TBCEL: variants seen among roughly 807,000 people sequenced by gnomAD.
TBCEL encodes tubulin-specific chaperone cofactor E-like protein.
A neutral mutation model predicts 44.2 loss-of-function variants in TBCEL; 15 were observed. The observed-to-expected ratio is 0.34, with a 90% CI of 0.23 to 0.52. The LOEUF is 0.52. Ranked by LOEUF, TBCEL falls within the 20% of genes least tolerant of loss-of-function variation. The pLI, the probability that TBCEL is intolerant of heterozygous loss-of-function variation, is 0.95. For synonymous variants in TBCEL, 171 were observed against 185.4 expected, an observed-to-expected ratio of 0.92 and a Z score of 0.63; for missense variants, 319 against 506.3, an observed-to-expected ratio of 0.63 and a Z score of 3.55.
intron 8 of TBCEL, among the ~76,000 whole-genome samples, chr11:121,082,575 G>A (rs1478505612): frequency 6.6e-6 from 1 of 152,220 alleles, no homozygotes; most frequent in Non-Finnish European, 1.5e-5. Flanking sequence ...AAGTAGAGGA[G>A]TGATGTGATA....
chr11:121,086,275 G>A (rs772798533), intron 8 of TBCEL, among the ~76,000 whole-genome samples: 4 of 152,110 alleles, frequency 2.6e-5, no homozygotes, highest in African/African-American at 4.8e-5. Flanking sequence ...AGATTGGAAC[G>A]TTCAAACAAG....
chr11:121,081,030 C>CT, intron 8 of TBCEL, among the ~76,000 whole-genome samples: 1 of 152,306 alleles, frequency 6.6e-6, no homozygotes, highest in African/African-American at 2.4e-5. Flanking sequence ...CAACCCCACA[C>CT]TGCTGGTAGC....
chr11:121,025,554 C>T (rs1322482154), intron 1 of TBCEL, among the ~76,000 whole-genome samples: 1 of 152,050 alleles, frequency 6.6e-6, no homozygotes, highest in East Asian at 1.9e-4. Flanking sequence ...ATTCCACCCT[C>T]TTGCATTAAA....
At chr11:121,068,886 CAA>C (rs575081373) in intron 8 of TBCEL, among the ~76,000 whole-genome samples, 1 of 87,972 alleles carries the variant, frequency 1.1e-5, no homozygotes, top group African/African-American at 4.1e-5. Context: ...GGCTCCGTCT[CAA>C]AAAAAAAAAA....
At chr11:121,056,498 C>T (rs888312137) in intron 6 of TBCEL, among the ~76,000 whole-genome samples, 1 of 151,732 alleles carries the variant, frequency 6.6e-6, no homozygotes, top group African/African-American at 2.4e-5. Context: ...TAGGTAAATA[C>T]TAAGGAGCAT....
chr11:121,035,500 C>G (rs1452077047), intron 1 of TBCEL: 1 of 148,950 alleles, frequency 6.7e-6, no homozygotes, highest in East Asian at 2.0e-4. Context: ...GACCTGCAGA[C>G]TTTTGCAACC....
At chr11:121,084,850 T>G (rs1171550413) in intron 8 of TBCEL, among the ~76,000 whole-genome samples, 1 of 152,062 alleles carries the variant, frequency 6.6e-6, no homozygotes, top group Non-Finnish European at 1.5e-5. Flanking sequence ...AAGATACCCC[T>G]AGACTTTGAA....
intron 8 of TBCEL, among the ~76,000 whole-genome samples, chr11:121,073,553 C>A (rs925526499): frequency 2.0e-5 from 3 of 151,806 alleles, no homozygotes; most frequent in Admixed American, 1.3e-4. Flanking sequence ...TCTATTTAGA[C>A]AGTCATATCT....
Position 121,087,080 on chromosome 11 carries a change from A to C in TBCEL, c.1259A>C (p.Glu420Ala). The C allele has an allele frequency of 6.2e-7, 1 of 1,613,214 alleles. No individual in the cohort carries two copies. Among genetic ancestry groups the C allele is most frequent in the Non-Finnish European group, 8.5e-7 (1 of 1,179,656 alleles). ...GIRDGDKIYVESKTK is the reference protein window; with the variant it reads ...GIRDGDKIYVASKTK ...AGGGATGGAGATAAAATTTACGTGGAATCCAAAACAAAATAACCTCTACCA... is the reference window on the plus strand; with the variant it reads ...AGGGATGGAGATAAAATTTACGTGGCATCCAAAACAAAATAACCTCTACCA... Residue 420 changes from glutamate to alanine, a missense_variant, in exon 9 of 9, where the codon GAA becomes GCA. Physicochemically the swap from Glu to Ala is moderately radical, Grantham distance 107. Coordinates refer to ENST00000683345, the MANE Select transcript of TBCEL (RefSeq NM_001363644.2).
Position 121,055,151 on chromosome 11 carries a change from C to A in TBCEL, c.555C>A (p.Asn185Lys). The A allele has an allele frequency of 6.2e-7, 1 of 1,611,942 alleles. No homozygotes were observed. Among genetic ancestry groups the A allele is most frequent in the African/African-American group, 1.3e-5 (1 of 74,846 alleles). The change falls in exon 6 of 9, where the codon AAC becomes AAA. Residue 185 changes from asparagine (N) to lysine (K), a missense_variant. Asn to Lys is a moderately conservative substitution (Grantham distance 94). Coordinates refer to ENST00000683345, the MANE Select transcript of TBCEL (RefSeq NM_001363644.2). Reference protein sequence around the residue: ...SLKLLHITDNNLQDWTEIRKL... With the variant: ...SLKLLHITDNKLQDWTEIRKL... ...AGCTACTACATATAACAGACAATAA[C>A]CTCCAAGACTGGACTGAAATACGAA...
intron 8 of TBCEL, among the ~76,000 whole-genome samples, chr11:121,077,662 T>G (rs1946056377): frequency 6.6e-6 from 1 of 152,072 alleles, no homozygotes; most frequent in Non-Finnish European, 1.5e-5. Context: ...TGCTTTGGAT[T>G]TAATTTGCTC....
Position 121,087,006 on chromosome 11 carries a change from C to G in TBCEL, c.1185C>G (p.Gly395=). 6.2e-7 allele frequency: 1 copy of G among 1,614,092 alleles called. No homozygotes were observed. The highest frequency in any genetic ancestry group is 8.5e-7 in the Non-Finnish European group (1 of 1,179,988). ...LYYFDHEAPF[G]PEEMKYSSRA... ...ATTTTGACCATGAAGCACCCTTTGG[C>G]CCAGAGGAAATGAAGTACAGCTCTC... Residue 395 remains glycine, a synonymous_variant, in exon 9 of 9, where the codon GGC becomes GGG. Transcript: ENST00000683345.
At chr11:121,044,871 A>G (rs1945401018) in intron 2 of TBCEL, among the ~76,000 whole-genome samples, 1 of 152,142 alleles carries the variant, frequency 6.6e-6, no homozygotes, top group Admixed American at 6.5e-5. Flanking sequence ...AGGTCCAGTT[A>G]TAGGTAACTA....
chr11:121,059,223 G>T (rs961627393), intron 7 of TBCEL, among the ~76,000 whole-genome samples: 2 of 151,978 alleles, frequency 1.3e-5, no homozygotes, highest in Non-Finnish European at 2.9e-5. Context: ...ATGCTTTGCA[G>T]TTGTTAACGT....
At chr11:121,078,678 T>C (rs1322472503) in intron 8 of TBCEL, among the ~76,000 whole-genome samples, 1 of 152,198 alleles carries the variant, frequency 6.6e-6, no homozygotes, top group Non-Finnish European at 1.5e-5. Context: ...GGAACCTGTC[T>C]GTAGTTCCCC....
chr11:121,054,206 A>T (rs989968449), intron 5 of TBCEL, among the ~76,000 whole-genome samples: 1 of 151,914 alleles, frequency 6.6e-6, no homozygotes, highest in Non-Finnish European at 1.5e-5. Context: ...AACATGCTTT[A>T]TTATGTTTCG....
At chr11:121,064,337 A>G (rs1182710817) in intron 8 of TBCEL, among the ~76,000 whole-genome samples, 1 of 152,200 alleles carries the variant, frequency 6.6e-6, no homozygotes, top group African/African-American at 2.4e-5. Context: ...TATGATAAGT[A>G]GTCATCATCC....
intron 5 of TBCEL, 150 bp downstream of exon 5, chr11:121,053,882 T>A: frequency 1.2e-6 from 1 of 824,676 alleles, no homozygotes; most frequent in Non-Finnish European, 1.9e-6. Flanking sequence ...AATGAGAATG[T>A]GAGGGTAATC....
At chr11:121,044,891 G>A (rs1196803981) in intron 2 of TBCEL, among the ~76,000 whole-genome samples, 1 of 152,104 alleles carries the variant, frequency 6.6e-6, no homozygotes, top group African/African-American at 2.4e-5. Context: ...AAAAAATTGA[G>A]AAGAACAATG....
Sources: allele counts gnomAD v4.1 joint callset (sites outside exome capture counted in the v4.1 genomes callset), GRCh38; gene constraint gnomAD v4.1.1; transcripts MANE v1.5; gene names NCBI Gene and HGNC (gene_info 2026-07-23, HGNC 2026-07-21).